Variants in GABRA3 observed in about 807,000 individuals in gnomAD.
GABRA3 encodes the protein gamma-aminobutyric acid receptor subunit alpha-3.
In GABRA3, 10 loss-of-function variants were observed where a neutral mutation model predicts 30.1. The observed-to-expected ratio is 0.33, with a 90% CI of 0.20 to 0.56. The LOEUF (loss-of-function observed/expected upper bound fraction) is 0.56. GABRA3 is among the 20% of genes least tolerant of loss of function. The pLI, the probability that GABRA3 is intolerant of heterozygous loss-of-function variation, is 0.89. For synonymous variants in GABRA3, 151 were observed against 146.8 expected (o/e 1.03, Z -0.21); for missense variants, 233 against 392.0 (o/e 0.59, Z 3.42).
intron 4 of GABRA3, among the ~76,000 whole-genome samples, chrX:152,275,195 ATAATTT>A (rs1320026343): frequency 1.4e-5 from 1 of 70,942 alleles, no homozygotes; most frequent in African/African-American, 6.0e-5. Flanking sequence ...TATTATATAT[ATAATTT>A]ATATATATAA....
chrX:152,385,668 A>C (rs968988454), intron 1 of GABRA3, among the ~76,000 whole-genome samples: 1 of 111,740 alleles, frequency 8.9e-6, no homozygotes, highest in East Asian at 2.8e-4. Context: ...GTCCTTGCCC[A>C]TGCCTATGTC....
At chrX:152,368,647 A>G (rs1216451607) in intron 1 of GABRA3, among the ~76,000 whole-genome samples, 1 of 109,498 alleles carries the variant, frequency 9.1e-6, no homozygotes, top group Non-Finnish European at 1.9e-5. Context: ...TCCTTTGGAT[A>G]TATAACCAGT....
rs1245029221 is a variant in GABRA3, at chrX:152,167,181, G to A, written c.*1047C>T. ...AGAAAAGTGCCTGGGCCAGGGTGTG[G>A]AATGTGGAGTGTATGGAAGGAAGAA... On this transcript the variant is annotated 3_prime_UTR_variant, in exon 10 of 10. Transcript: ENST00000370314. 2 of 110,454 alleles carry A rather than the reference G, an allele frequency of 1.8e-5. No homozygotes were observed. Among genetic ancestry groups the A allele is most frequent in the Non-Finnish European group, 3.8e-5 (2 of 52,902 alleles). The allele number at this position is 110,454 out of a possible 1,213,427, so 9.1% of individuals were successfully genotyped here.
intron 1 of GABRA3, among the ~76,000 whole-genome samples, chrX:152,395,064 C>A (rs184969086): frequency 9.0e-6 from 1 of 110,691 alleles, no homozygotes; most frequent in African/African-American, 3.3e-5. Flanking sequence ...TCAAAAATAA[C>A]CATGCAAGCA....
At chrX:152,243,736 G>T (rs1390454501) in intron 5 of GABRA3, among the ~76,000 whole-genome samples, 1 of 111,795 alleles carries the variant, frequency 8.9e-6, no homozygotes, top group Non-Finnish European at 1.9e-5. Context: ...ACACATCTCA[G>T]GCAGAAGGTA....
chrX:152,296,582 C>G (rs1939532020), intron 3 of GABRA3, among the ~76,000 whole-genome samples: 2 of 111,866 alleles, frequency 1.8e-5, no homozygotes, highest in Non-Finnish European at 3.8e-5. Context: ...AACCTGACAA[C>G]TTTTGACATT....
chrX:152,250,546 TGAA>T (rs1938535569), intron 5 of GABRA3: 1 of 111,648 alleles, frequency 9.0e-6, no homozygotes, highest in African/African-American at 3.2e-5. Context: ...TTAATAGAGA[TGAA>T]GTTTTCTATA....
chrX:152,180,497 T>C (rs141005273), intron 9 of GABRA3, among the ~76,000 whole-genome samples: 61 of 112,082 alleles, frequency 5.4e-4, no homozygotes, highest in Non-Finnish European at 9.6e-4. Flanking sequence ...CTATAGGTTG[T>C]CTCTTTGCTC....
chrX:152,240,371 G>C (rs1431972254), intron 5 of GABRA3, among the ~76,000 whole-genome samples: 14 of 92,991 alleles, frequency 1.5e-4, no homozygotes, highest in African/African-American at 6.0e-4. Context: ...TCCGCTGTTA[G>C]TCTGATGGGC....
At chrX:152,279,971 G>C (rs1168034651) in intron 4 of GABRA3, among the ~76,000 whole-genome samples, 1 of 111,522 alleles carries the variant, frequency 9.0e-6, no homozygotes, top group African/African-American at 3.3e-5. Context: ...TGTATCCTGA[G>C]ACTTTGCTGA....
At chrX:152,443,551 T>C (rs781397832) in intron 1 of GABRA3, among the ~76,000 whole-genome samples, 1 of 111,632 alleles carries the variant, frequency 9.0e-6, no homozygotes, top group Admixed American at 9.5e-5. Flanking sequence ...CTAGCGGATA[T>C]AAGAGTGAAC....
At chrX:152,382,021 C>T (rs1452754496) in intron 1 of GABRA3, among the ~76,000 whole-genome samples, 1 of 111,308 alleles carries the variant, frequency 9.0e-6, no homozygotes, top group Non-Finnish European at 1.9e-5. Context: ...ACGTGTGCAA[C>T]CTATCCATCT....
intron 2 of GABRA3, among the ~76,000 whole-genome samples, chrX:152,360,384 T>C (rs747188078): frequency 6.3e-4 from 60 of 95,599 alleles, no homozygotes; most frequent in African/African-American, 2.2e-3. Flanking sequence ...TGATATCTCA[T>C]AGTGGTTTTG....
At chrX:152,216,389 AACACACACACACACACACACAC>A (rs60255687) in intron 6 of GABRA3, among the ~76,000 whole-genome samples, 3,696 of 77,584 alleles carry the variant, frequency 0.048, 238 homozygotes, top group East Asian at 0.38. Flanking sequence ...ATAATATATA[AACACACACACACACACACACAC>A]ACACACACAC....
intron 5 of GABRA3, among the ~76,000 whole-genome samples, chrX:152,228,846 A>G (rs188829507): frequency 1.5e-4 from 17 of 111,195 alleles, no homozygotes; most frequent in Non-Finnish European, 2.3e-4. Context: ...TCCCTTACAT[A>G]ATCCATCCAT....
At chrX:152,299,235 G>T (rs1939588202) in intron 3 of GABRA3, among the ~76,000 whole-genome samples, 1 of 112,216 alleles carries the variant, frequency 8.9e-6, no homozygotes, top group African/African-American at 3.2e-5. Context: ...TGAAAATAAA[G>T]AGTAAAGTAA....
At chrX:152,265,847 C>T (rs1214603099) in intron 4 of GABRA3, among the ~76,000 whole-genome samples, 1 of 110,804 alleles carries the variant, frequency 9.0e-6, no homozygotes, top group African/African-American at 3.3e-5. Context: ...TTATTGGCTA[C>T]TGAGAGCAAC....
At chrX:152,195,485 T>TG (rs768217350) in intron 8 of GABRA3, among the ~76,000 whole-genome samples, 11 of 112,494 alleles carry the variant, frequency 9.8e-5, no homozygotes, top group African/African-American at 3.5e-4. Flanking sequence ...GCTAGAAGGC[T>TG]GAAATTAGTT....
intron 1 of GABRA3, among the ~76,000 whole-genome samples, chrX:152,403,636 A>T (rs967132820): frequency 4.5e-5 from 5 of 110,001 alleles, no homozygotes; most frequent in African/African-American, 1.7e-4. Context: ...TGAAGGGCCA[A>T]GATTTTGGAG....
Sources: allele counts gnomAD v4.1 joint callset (sites outside exome capture counted in the v4.1 genomes callset), GRCh38; gene constraint gnomAD v4.1.1; transcripts MANE v1.5; gene names NCBI Gene and HGNC (gene_info 2026-07-23, HGNC 2026-07-21).